The following HACE1 variants were observed in gnomAD, a reference collection of about 807,000 sequenced individuals.
The protein encoded by HACE1 is HECT domain and ankyrin repeat containing E3 ubiquitin protein ligase 1, also known as E3 ubiquitin-protein ligase HACE1.
Under a neutral mutation model 118.4 loss-of-function variants are expected in HACE1, and 73 were observed. The ratio of observed to expected loss-of-function variants is 0.62; its 90% confidence interval spans 0.51 to 0.75. The LOEUF (loss-of-function observed/expected upper bound fraction) is 0.75. Among genes scored for constraint, HACE1 ranks in the 30% least tolerant of loss-of-function variants. The pLI is 0.00. For synonymous variants in HACE1, 368 were observed against 374.8 expected, an observed-to-expected ratio of 0.98 and a Z score of 0.21; for missense variants, 749 against 1,102.2, an observed-to-expected ratio of 0.68 and a Z score of 4.54.
At chr6:104,742,724 C>A (rs1178838041) in intron 22 of HACE1, among the ~76,000 whole-genome samples, 1 of 151,688 alleles carries the variant, frequency 6.6e-6, no homozygotes, top group Non-Finnish European at 1.5e-5. Context: ...GGACTGTAAA[C>A]TAGTTCAACC....
chr6:104,748,493 T>C (rs1777687185), intron 20 of HACE1, among the ~76,000 whole-genome samples: 1 of 152,188 alleles, frequency 6.6e-6, no homozygotes, highest in South Asian at 2.1e-4. Flanking sequence ...GAGTGTAAAC[T>C]GATGCATCAC....
intron 7 of HACE1, among the ~76,000 whole-genome samples, chr6:104,808,423 C>A (rs1361850383): frequency 2.0e-5 from 3 of 152,134 alleles, no homozygotes; most frequent in Non-Finnish European, 4.4e-5. Context: ...TCAGCACTTC[C>A]ATTTCACAAA....
chr6:104,804,428 C>G (rs1319578479), intron 7 of HACE1, among the ~76,000 whole-genome samples: 5 of 152,140 alleles, frequency 3.3e-5, no homozygotes, highest in Non-Finnish European at 5.9e-5. Context: ...GCAAAAAGAA[C>G]AAAGCTGGCA....
intron 14 of HACE1, among the ~76,000 whole-genome samples, chr6:104,783,287 T>TA (rs1399952330): frequency 6.6e-6 from 1 of 152,214 alleles, no homozygotes; most frequent in East Asian, 1.9e-4. Context: ...CTTCCTCCCT[T>TA]AAACTCCTAA....
Position 104,819,750 on chromosome 6 carries a change from T to A in HACE1, c.535-8357A>T, listed in dbSNP as rs146554881. Among the ~76,000 whole-genome samples the A allele has an allele frequency of 6.2e-3, 937 of 152,282 alleles. 7 individuals carry two copies. Among genetic ancestry groups the A allele is most frequent in the Non-Finnish European group, 9.2e-3 (623 of 68,026 alleles). On this transcript the variant is annotated intron_variant, in intron 6 of 23. Transcript: ENST00000262903. The stretch of plus-strand genomic sequence containing the variant: ...ATAAGACCGCACTCTGACAACTATC[T>A]GATCTTCCACAAACCTGACAAAAAC...
chr6:104,806,142 T>C (rs2114940830), intron 7 of HACE1, among the ~76,000 whole-genome samples: 1 of 152,308 alleles, frequency 6.6e-6, no homozygotes, highest in East Asian at 1.9e-4. Context: ...AAATCTCATT[T>C]ATGTTCAGTT....
At chr6:104,748,648 C>G (rs1777708791) in intron 20 of HACE1, among the ~76,000 whole-genome samples, 1 of 152,072 alleles carries the variant, frequency 6.6e-6, no homozygotes, top group Non-Finnish European at 1.5e-5. Flanking sequence ...CTTGAAAGAG[C>G]CTGAAACTGA....
At chr6:104,816,067 A>G (rs1400210345) in intron 6 of HACE1, among the ~76,000 whole-genome samples, 1 of 144,850 alleles carries the variant, frequency 6.9e-6, no homozygotes, top group Non-Finnish European at 1.5e-5. Context: ...GAGCAAAACT[A>G]CAACTCAAAA....
chr6:104,793,069 C>T (rs893510489), intron 10 of HACE1, among the ~76,000 whole-genome samples: 1 of 151,428 alleles, frequency 6.6e-6, no homozygotes, highest in Admixed American at 6.6e-5. Context: ...GAGATCGAGA[C>T]CATCCTGGCT....
At chr6:104,778,050 C>T (rs1781390137) in intron 14 of HACE1, among the ~76,000 whole-genome samples, 1 of 152,266 alleles carries the variant, frequency 6.6e-6, no homozygotes, top group South Asian at 2.1e-4. Context: ...TGAGCCACTG[C>T]GCCCGGCCTC....
intron 6 of HACE1, among the ~76,000 whole-genome samples, chr6:104,831,596 GAA>G: frequency 7.1e-6 from 1 of 141,034 alleles, no homozygotes; most frequent in Non-Finnish European, 1.5e-5. Context: ...AAAAAAAAAA[GAA>G]AAGAAAAGAA....
rs576866520 is a variant in HACE1 at position 104,791,577 on chromosome 6, C to T, written c.1001G>A (p.Gly334Asp). 5.0e-6 allele frequency: 8 copies of T among 1,611,230 alleles called. No homozygotes were observed. Among genetic ancestry groups the T allele is most frequent in the Non-Finnish European group, 6.8e-6 (8 of 1,177,558 alleles). Reference protein sequence around the residue: ...VRMFCHVFRIGPSSPSNGIDM... With the variant: ...VRMFCHVFRIDPSSPSNGIDM... ...AATTCCATTACTGGGGGAGGATGGA[C>T]CAATTCGAAAGACGTGACAAAACAT... Residue 334 changes from glycine (G) to aspartate (D), a missense_variant, in exon 11 of 24, where the codon GGT becomes GAT. By Grantham distance (94) the Gly-to-Asp change is moderately conservative (BLOSUM62 -1). Around this residue, in one of 5 missense-constraint regions of HACE1, gnomAD observed 267 missense variants for 312.2 expected, o/e 0.86. Transcript: ENST00000262903.
At chr6:104,816,073 C>CAA (rs60838357) in intron 6 of HACE1, among the ~76,000 whole-genome samples, 1 of 125,600 alleles carries the variant, frequency 8.0e-6, no homozygotes. Context: ...AACTACAACT[C>CAA]AAAAAAAAAA....
At chr6:104,793,621 A>G (rs1273400973) in intron 10 of HACE1, among the ~76,000 whole-genome samples, 3 of 152,202 alleles carry the variant, frequency 2.0e-5, no homozygotes, top group Admixed American at 6.5e-5. Flanking sequence ...TGAATCAGTT[A>G]TTTTCTTAAT....
intron 22 of HACE1, among the ~76,000 whole-genome samples, chr6:104,736,425 C>G (rs1385109786): frequency 6.6e-6 from 1 of 152,136 alleles, no homozygotes; most frequent in African/African-American, 2.4e-5. Flanking sequence ...GCTGGGACCA[C>G]AGGCATGCGC....
chr6:104,774,496 T>A (rs1330638172), intron 17 of HACE1, among the ~76,000 whole-genome samples: 2 of 151,986 alleles, frequency 1.3e-5, no homozygotes, highest in Non-Finnish European at 2.9e-5. Context: ...GAGATTCTCC[T>A]CCCTCAGCCT....
intron 7 of HACE1, among the ~76,000 whole-genome samples, 191 bp from the exon 8 acceptor site, chr6:104,797,216 T>G (rs562477803): frequency 6.6e-6 from 1 of 152,144 alleles, no homozygotes; most frequent in Non-Finnish European, 1.5e-5. Flanking sequence ...TAGACCAGAA[T>G]GTGACCTATT....
chr6:104,737,745 T>G (rs988797251), intron 22 of HACE1, among the ~76,000 whole-genome samples: 1 of 152,044 alleles, frequency 6.6e-6, no homozygotes, highest in African/African-American at 2.4e-5. Context: ...GCAGCGAGGC[T>G]GGGGGAGGGG....
At chr6:104,781,861 C>A (rs1355409494) in intron 14 of HACE1, among the ~76,000 whole-genome samples, 9 of 152,282 alleles carry the variant, frequency 5.9e-5, no homozygotes, top group African/African-American at 1.9e-4. Context: ...CATGTAGACA[C>A]CCTCCTCACC....
Sources: allele counts gnomAD v4.1 joint callset (sites outside exome capture counted in the v4.1 genomes callset), GRCh38; gene constraint gnomAD v4.1.1; regional missense constraint gnomAD v4.1.1; transcripts MANE v1.5; gene names NCBI Gene and HGNC (gene_info 2026-07-23, HGNC 2026-07-21).